LLGL2: variants seen among roughly 807,000 people sequenced by gnomAD.
The protein encoded by LLGL2 is LLGL scribble cell polarity complex component 2.
In LLGL2, 81 loss-of-function variants were observed where a neutral mutation model predicts 123.2. That is an observed-to-expected ratio of 0.66 (90% CI 0.55 to 0.79). The LOEUF (loss-of-function observed/expected upper bound fraction) is 0.79, where lower values mean the gene tolerates loss of function less well. LLGL2 is among the 30% of genes least tolerant of loss of function. LLGL2 has a pLI of 0.00. For synonymous variants in LLGL2, 577 were observed against 594.1 expected (o/e 0.97, Z 0.42); for missense variants, 1,273 against 1,414.6 (o/e 0.90, Z 1.61).
Position 75,572,004 on chromosome 17 carries a change from G to A in LLGL2, c.2400G>A (p.Ser800=), listed in dbSNP as rs368284545. 43 of 1,612,594 alleles carry A rather than the reference G, an allele frequency of 2.7e-5. No individual in the cohort carries two copies. Among genetic ancestry groups the A allele is most frequent in the African/African-American group, 9.3e-5 (7 of 74,914 alleles). Residue 800 remains serine, a synonymous_variant, in exon 19 of 26, where the codon TCG becomes TCA. Transcript: ENST00000392550. ...PEPLEVAHDL[S]KSPDMQGSHQ... is the part of the protein sequence containing the mutation. ...CCCTCGAAGTGGCCCATGATCTGTC[G>A]AAGAGCCCTGACATGCAGGGAAGCC...
rs547494879 is a variant in LLGL2, at chr17:75,569,387, G to A, written c.1581+62G>A. The stretch of plus-strand genomic sequence containing the variant: ...AGTGGTCGATGACTGGGGACAGCAG[G>A]GACAGGAGCCAACCACCTGCCTAAC... On this transcript the variant is annotated intron_variant, in intron 14 of 25. Transcript: ENST00000392550. 160 of 1,364,732 alleles carry A rather than the reference G, an allele frequency of 1.2e-4. No homozygotes were observed. In the Admixed American group the frequency reaches 2.7e-3, roughly 23 times the overall value. The allele number at this position is 1,364,732 out of a possible 1,614,324, so 84.5% of individuals were successfully genotyped here. A position where few individuals can be genotyped will look rare whatever the true frequency, so the allele number is the denominator to read the frequency against.
Position 75,571,720 on chromosome 17 carries a change from G to A in LLGL2, c.2230G>A (p.Ala744Thr), listed in dbSNP as rs148020757. 13,321 of 1,609,736 alleles carry A rather than the reference G, an allele frequency of 8.3e-3. 84 individuals carry two copies. Among genetic ancestry groups the A allele is most frequent in the Non-Finnish European group, 9.7e-3 (11,498 of 1,179,936 alleles). The change falls in exon 18 of 26, where the codon GCC becomes ACC. Residue 744 changes from alanine to threonine, a missense_variant. Transcript: ENST00000392550. The stretch of plus-strand genomic sequence containing the variant: ...TGGCACCAATGGGGGCACCATCTAT[G>A]CCTTCTCCCTGCGTGTGCCTCCCGC... ...WAGTNGGTIY[A>T]FSLRVPPAER...
chr17:75,539,431 G>A (rs1373626799), intron 1 of LLGL2, among the ~76,000 whole-genome samples: 2 of 147,586 alleles, frequency 1.4e-5, no homozygotes, highest in South Asian at 2.1e-4. Flanking sequence ...TTTAGAGACA[G>A]GGTCTCACTA....
chr17:75,538,761 C>T (rs1018479636), intron 1 of LLGL2: 9 of 152,062 alleles, frequency 5.9e-5, no homozygotes, highest in Non-Finnish European at 1.3e-4. Flanking sequence ...TCGGGGAGGG[C>T]GTGAAGGTAT....
At chr17:75,573,654 T>C (rs369539079) in intron 21 of LLGL2, 23 bp downstream of exon 21, 201 of 1,551,100 alleles carry the variant, frequency 1.3e-4, no homozygotes, top group Non-Finnish European at 1.4e-4. Flanking sequence ...GCCAGAGGCC[T>C]CTCCCGCCCC....
intron 2 of LLGL2, among the ~76,000 whole-genome samples, chr17:75,551,665 G>A (rs2054681055): frequency 6.6e-6 from 1 of 152,124 alleles, no homozygotes; most frequent in African/African-American, 2.4e-5. Context: ...CTTGACTTGT[G>A]GCCTGAGAGC....
At chr17:75,540,593 G>C (rs1040863459) in intron 1 of LLGL2, among the ~76,000 whole-genome samples, 1 of 152,222 alleles carries the variant, frequency 6.6e-6, no homozygotes, top group Admixed American at 6.5e-5. Context: ...ATCTGGGAGC[G>C]TGTCTGTGCG....
intron 2 of LLGL2, among the ~76,000 whole-genome samples, chr17:75,552,549 CTAA>C (rs1435718849): frequency 3.9e-5 from 6 of 152,202 alleles, no homozygotes; most frequent in Non-Finnish European, 7.3e-5. Context: ...TGATTAACTA[CTAA>C]TGAGATTTTT....
At chr17:75,528,613 C>G (rs774467399) in intron 1 of LLGL2, among the ~76,000 whole-genome samples, 10 of 152,118 alleles carry the variant, frequency 6.6e-5, no homozygotes, top group Non-Finnish European at 1.0e-4. Context: ...TGGCACATGC[C>G]TGTAATCCCA....
chr17:75,540,641 T>A (rs2054171961), intron 1 of LLGL2, among the ~76,000 whole-genome samples: 1 of 152,240 alleles, frequency 6.6e-6, no homozygotes, highest in Non-Finnish European at 1.5e-5. Flanking sequence ...TCATTGGGCA[T>A]CCTTTGTTCT....
At chr17:75,563,310 C>T in intron 7 of LLGL2, 21 bp from the exon 8 acceptor site, 1 of 1,611,350 alleles carries the variant, frequency 6.2e-7, no homozygotes, top group Non-Finnish European at 8.5e-7. Context: ...TGCCCTCTGT[C>T]CCTCTCCTCT....
Position 75,572,074 on chromosome 17 carries a change from G to C in LLGL2, c.2460+10G>C. The C allele has an allele frequency of 6.2e-7, 1 of 1,604,870 alleles. No individual in the cohort carries two copies. Among genetic ancestry groups the C allele is most frequent in the Non-Finnish European group, 8.5e-7 (1 of 1,177,708 alleles). ...AGAGGAGCAGTTCAAGGTGCCACACGGGCAGCGGCGGGTCTCCCTGGGACT... is the reference window on the plus strand; with the variant it reads ...AGAGGAGCAGTTCAAGGTGCCACACCGGCAGCGGCGGGTCTCCCTGGGACT... On this transcript the variant is annotated intron_variant, in intron 19 of 25. Transcript: ENST00000392550.
rs1423837326 is a variant in LLGL2, at chr17:75,525,731, A to C, written c.-125A>C. The C allele has an allele frequency of 6.6e-6, 1 of 150,582 alleles. No individual in the cohort carries two copies. The highest frequency in any genetic ancestry group is 6.6e-5 in the Admixed American group (1 of 15,136). 9.3% of individuals were successfully genotyped at this position (150,582 alleles called of 1,614,324 possible). A position where few individuals can be genotyped will look rare whatever the true frequency, so the allele number is the denominator to read the frequency against. ...GTGAGCAGGAAGGAGACGGCCGCCCAGCAGCCCGTGGGCAGGCGCGGCGGA... is the reference window on the plus strand; with the variant it reads ...GTGAGCAGGAAGGAGACGGCCGCCCCGCAGCCCGTGGGCAGGCGCGGCGGA... On this transcript the variant is annotated 5_prime_UTR_variant, in exon 1 of 26. Coordinates refer to ENST00000392550, the MANE Select transcript of LLGL2 (RefSeq NM_001031803.2). This position sits in a 1 kb window ranked among gnomAD's most constrained non-coding sequence, Gnocchi z 4.8.
rs987905798 is a variant in LLGL2, at chr17:75,544,321, A to C, written c.75+820A>C. Among the ~76,000 whole-genome samples the C allele has an allele frequency of 6.6e-6, 1 of 152,128 alleles. No individual in the cohort carries two copies. Among genetic ancestry groups the C allele is most frequent in the African/African-American group, 2.4e-5 (1 of 41,410 alleles). On this transcript the variant is annotated intron_variant, in intron 2 of 25. Transcript: ENST00000392550. The surrounding 1 kb of genome is among the most constrained non-coding windows in gnomAD (Gnocchi z 4.2). Reference sequence around the variant, plus strand: ...TCCCCCGGGGAGCCAGGACCCTCCCAATATGCTGAGGGCAGGACATGTGGC... The same window carrying C: ...TCCCCCGGGGAGCCAGGACCCTCCCCATATGCTGAGGGCAGGACATGTGGC...
At chr17:75,533,143 G>T (rs1482524831) in intron 1 of LLGL2, among the ~76,000 whole-genome samples, 1 of 151,050 alleles carries the variant, frequency 6.6e-6, no homozygotes, top group Admixed American at 6.6e-5. Flanking sequence ...GGGACTACAG[G>T]CTCCCGCCAC....
intron 1 of LLGL2, among the ~76,000 whole-genome samples, chr17:75,539,119 T>C (rs73362282): frequency 0.15 from 23,055 of 152,002 alleles, 2,151 homozygotes; most frequent in African/African-American, 0.25. Context: ...AGTACAGTGG[T>C]GGGTTCATAG....
At chr17:75,537,850 C>T (rs1213768776) in intron 1 of LLGL2, among the ~76,000 whole-genome samples, 2 of 145,550 alleles carry the variant, frequency 1.4e-5, no homozygotes, top group African/African-American at 5.2e-5. Flanking sequence ...TCTCTGTTGC[C>T]CCGGCTGTAT....
chr17:75,551,990 G>T (rs1032310391), intron 2 of LLGL2, among the ~76,000 whole-genome samples: 1 of 151,956 alleles, frequency 6.6e-6, no homozygotes, highest in Non-Finnish European at 1.5e-5. Context: ...TTAGCTGGGC[G>T]TGGTGGTGCA....
chr17:75,573,543 G>A lies in LLGL2; in HGVS notation c.2788G>A (p.Glu930Lys). ...CTCTCTCTCCACCAAGTGGCTGGTG[G>A]AGCCCCGGTGTCTGGTGGATTCAGC... ...RFSLSTKWLV[E>K]PRCLVDSAET... Residue 930 changes from glutamate to lysine, a missense_variant, in exon 21 of 26, where the codon GAG (glutamate) becomes AAG (lysine). By Grantham distance (56) the Glu-to-Lys change is moderately conservative (BLOSUM62 1). Transcript: ENST00000392550. 6.2e-7 allele frequency: 1 copy of A among 1,612,906 alleles called. No homozygotes were observed. The highest frequency in any genetic ancestry group is 8.5e-7 in the Non-Finnish European group (1 of 1,179,910).
Sources: gnomAD v4.1 joint callset for allele counts (sites outside exome capture counted in the v4.1 genomes callset) on GRCh38, gnomAD v4.1.1 for gene constraint, Gnocchi (gnomAD v3.1) non-coding constraint, MANE v1.5 for transcripts, NCBI Gene and HGNC (gene_info 2026-07-23, HGNC 2026-07-21) for gene names.